DAAM2: variants seen among roughly 807,000 people sequenced by gnomAD.
The protein encoded by DAAM2 is dishevelled associated activator of morphogenesis 2.
In DAAM2, 39 loss-of-function variants were observed where a neutral mutation model predicts 120.7. The ratio of observed to expected loss-of-function variants is 0.32; its 90% CI spans 0.25 to 0.42. The LOEUF (loss-of-function observed/expected upper bound fraction) is 0.42, where lower values mean the gene tolerates loss of function less well. Among genes scored for constraint, DAAM2 ranks in the 10% least tolerant of loss-of-function variants. The pLI, the probability that DAAM2 is intolerant of heterozygous loss-of-function variation, is 1.00. For synonymous variants in DAAM2, 488 were observed against 524.9 expected (o/e 0.93, Z 0.96); for missense variants, 1,283 against 1,401.7 (o/e 0.92, Z 1.35).
intron 1 of DAAM2, among the ~76,000 whole-genome samples, chr6:39,799,646 A>G (rs1394262795): frequency 6.6e-6 from 1 of 152,212 alleles, no homozygotes; most frequent in Non-Finnish European, 1.5e-5. Context: ...AGGAGAGGAA[A>G]TGAAATACTA....
intron 16 of DAAM2, 81 bp downstream of exon 16, chr6:39,887,673 C>T (rs1402518821): frequency 2.2e-6 from 2 of 907,910 alleles, no homozygotes; most frequent in East Asian, 2.7e-5. Flanking sequence ...AGTCTCGGGC[C>T]TCTCCCTCTC....
Position 39,878,385 on chromosome 6 carries a change from C to T in DAAM2, c.1361-19C>T, listed in dbSNP as rs375930970. Reference sequence around the variant, plus strand: ...CATTCTCTCCTTCTGTTTCCTCTCCCGTCCCACCCCCATTCCAGAACACAT... The same window carrying T: ...CATTCTCTCCTTCTGTTTCCTCTCCTGTCCCACCCCCATTCCAGAACACAT... On this transcript the variant is annotated intron_variant, in intron 12 of 24. Transcript: ENST00000274867. This position sits in a 1 kb window ranked among gnomAD's most constrained non-coding sequence, Gnocchi z 5.0. The T allele has an allele frequency of 6.6e-5, 107 of 1,609,682 alleles. No homozygotes were observed. In the African/African-American group the frequency reaches 1.0e-3, roughly 15 times the overall value.
intron 1 of DAAM2, among the ~76,000 whole-genome samples, chr6:39,834,207 T>C (rs1213028227): frequency 6.6e-6 from 1 of 152,166 alleles, no homozygotes; most frequent in Non-Finnish European, 1.5e-5. Context: ...GGGGTAAATA[T>C]AAGAGCATAC....
At chr6:39,807,597 AC>A (rs1762045772) in intron 1 of DAAM2, among the ~76,000 whole-genome samples, 1 of 151,886 alleles carries the variant, frequency 6.6e-6, no homozygotes, top group East Asian at 1.9e-4. Context: ...TTTCACTGCA[AC>A]CTCCGCCTCC....
intron 1 of DAAM2, among the ~76,000 whole-genome samples, chr6:39,813,666 G>A (rs931704013): frequency 1.3e-5 from 2 of 152,092 alleles, no homozygotes; most frequent in Admixed American, 6.5e-5. Context: ...AGCCCATCAC[G>A]GGGCACTGAA....
rs575735902 is a variant in DAAM2, at chr6:39,804,348, A to G, written c.-57+11883A>G. Among the ~76,000 whole-genome samples, 18 of 152,300 alleles carry G rather than the reference A, an allele frequency of 1.2e-4. 1 individual carries two copies. The South Asian group carries it at 2.9e-3, about 25-fold the overall frequency. On this transcript the variant is annotated intron_variant, in intron 1 of 24. Coordinates refer to ENST00000274867, the MANE Select transcript of DAAM2 (RefSeq NM_001201427.2). ...AGTGTCTGGTGGCAGACACAGAGTT[A>G]GCGCTCAGGGGATACTTGTTGACTG...
rs1387881649 is a variant in DAAM2 at position 39,888,760 on chromosome 6, G to A, written c.2142G>A (p.Glu714=). 1.9e-6 allele frequency: 3 copies of A among 1,611,854 alleles called. No homozygotes were observed. The highest frequency in any genetic ancestry group is 2.5e-6 in the Non-Finnish European group (3 of 1,178,828). ...AGGACCTTGCTAAGGACATGCTGGA[G>A]CAGGTGAGGACCCTCGTGGGAAGGA... ...EQEDLAKDML[E]QLLKFIPEKS... Residue 714 remains glutamate, a synonymous_variant, in exon 17 of 25, where the codon GAG becomes GAA. Transcript: ENST00000274867.
chr6:39,838,979 T>G (rs1763215923), intron 1 of DAAM2, among the ~76,000 whole-genome samples: 1 of 152,128 alleles, frequency 6.6e-6, no homozygotes, highest in South Asian at 2.1e-4. Context: ...GTTTTAAAAC[T>G]AGGGTGATCT....
intron 1 of DAAM2, among the ~76,000 whole-genome samples, chr6:39,839,391 A>G (rs571827262): frequency 5.9e-5 from 9 of 152,312 alleles, no homozygotes; most frequent in African/African-American, 2.2e-4. Context: ...TAAATGCACT[A>G]GGTAGACTCA....
In DAAM2 at chr6:39,900,142, C is replaced by T. The variant is rs1400107682; in HGVS notation, c.2745C>T (p.Asp915=). Residue 915 remains aspartate, a synonymous_variant, in exon 23 of 25, where the codon GAC becomes GAT. Coordinates refer to ENST00000274867, the MANE Select transcript of DAAM2 (RefSeq NM_001201427.2). ...ACAAGTTTGTCCCTGTCATGAGCGACTTCATCACGGTGTCCAGCTTCAGCT... is the reference window on the plus strand; with the variant it reads ...ACAAGTTTGTCCCTGTCATGAGCGATTTCATCACGGTGTCCAGCTTCAGCT... ...PSDKFVPVMS[D]FITVSSFSFS... 6.2e-7 allele frequency: 1 copy of T among 1,604,444 alleles called. No individual in the cohort carries two copies. The highest frequency in any genetic ancestry group is 8.5e-7 in the Non-Finnish European group (1 of 1,175,600).
rs1765025271 is a variant in DAAM2 at position 39,879,474 on chromosome 6, T to G, written c.1842T>G (p.Asn614Lys). The part of the protein sequence containing the change: ...PLKSFNWVKL[N>K]EERVPGTVWN... The stretch of plus-strand genomic sequence containing the variant: ...AGTCCTTCAACTGGGTGAAGCTGAA[T>G]GAGGTGAGCATCTGGGAAGGGGCTG... The change falls in exon 14 of 25, where the codon AAT becomes AAG. Residue 614 changes from asparagine to lysine, a missense_variant. By Grantham distance (94) the Asn-to-Lys change is moderately conservative (BLOSUM62 0). Transcript: ENST00000274867. The G allele has an allele frequency of 1.2e-6, 2 of 1,614,028 alleles. No individual in the cohort carries two copies. Among genetic ancestry groups the G allele is most frequent in the Non-Finnish European group, 1.7e-6 (2 of 1,179,898 alleles).
intron 15 of DAAM2, chr6:39,885,817 GC>G (rs1446458141): frequency 6.6e-6 from 1 of 152,222 alleles, no homozygotes; most frequent in Non-Finnish European, 1.5e-5. Flanking sequence ...TCTTCTCTGT[GC>G]CCCATGCGAG....
In DAAM2 at chr6:39,903,750, G is replaced by C. The variant is rs970792608; in HGVS notation, c.*1713G>C. The C allele has an allele frequency of 5.9e-6, 1 of 168,406 alleles. No homozygotes were observed. Among genetic ancestry groups the C allele is most frequent in the Non-Finnish European group, 1.3e-5 (1 of 77,676 alleles). 10.4% of individuals were successfully genotyped at this position (168,406 alleles called of 1,614,324 possible). A position where few individuals can be genotyped will look rare whatever the true frequency, so the allele number is the denominator to read the frequency against. ...TGGGGCTGGGACCGTAGTAGCTGCG[G>C]GGGGGAAGAAACACAGGGTCGGTGA... On this transcript the variant is annotated 3_prime_UTR_variant, in exon 25 of 25. Coordinates refer to ENST00000274867, the MANE Select transcript of DAAM2 (RefSeq NM_001201427.2).
At chr6:39,870,482 G>T in intron 8 of DAAM2, 39 bp downstream of exon 8, 1 of 1,310,252 alleles carries the variant, frequency 7.6e-7, no homozygotes, top group South Asian at 1.3e-5. Context: ...AAACCTGTGG[G>T]GACAGTGCCT....
rs1300639027 is a variant in DAAM2, at chr6:39,891,456, A to G, written c.2252+9A>G. 2 of 1,598,668 alleles carry G rather than the reference A, an allele frequency of 1.3e-6. No homozygotes were observed. The highest frequency in any genetic ancestry group is 1.3e-5 in the African/African-American group (1 of 74,702). ...CTCTATGAAATGAGCAGGTTGGGCCATGGGCATGGTGGGGATTCAAGCAGG... is the reference window on the plus strand; with the variant it reads ...CTCTATGAAATGAGCAGGTTGGGCCGTGGGCATGGTGGGGATTCAAGCAGG... On this transcript the variant is annotated intron_variant, in intron 18 of 24. Transcript: ENST00000274867.
At chr6:39,825,443 GTT>G (rs766528914) in intron 1 of DAAM2, among the ~76,000 whole-genome samples, 2 of 106,574 alleles carry the variant, frequency 1.9e-5, no homozygotes, top group African/African-American at 3.4e-5. Context: ...AGGTCGGGGG[GTT>G]GGTGGGGGGC....
At position 39,879,574 on chromosome 6, in the gene DAAM2, G is replaced by T. The variant is rs923204559; in HGVS notation, c.1845+97G>T. ...CCCTTGTTTACAGATCTCCACTCTG[G>T]GTCCTTTCTTTGGTGGGGGGTAAGG... On this transcript the variant is annotated intron_variant, in intron 14 of 24. Transcript: ENST00000274867. 3.3e-6 allele frequency: 5 copies of T among 1,537,726 alleles called. No homozygotes were observed. In the Admixed American group the frequency reaches 5.0e-5, roughly 15 times the overall value.
At chr6:39,829,669 C>G (rs1002282204) in intron 1 of DAAM2, among the ~76,000 whole-genome samples, 1 of 152,192 alleles carries the variant, frequency 6.6e-6, no homozygotes, top group East Asian at 1.9e-4. Flanking sequence ...TTTGTTTATT[C>G]ATTGGCACAC....
Position 39,903,895 on chromosome 6 carries a change from G to A in DAAM2, c.*1858G>A, listed in dbSNP as rs1766630985. The A allele has an allele frequency of 3.3e-6, 1 of 307,278 alleles. No individual in the cohort carries two copies. Among genetic ancestry groups the A allele is most frequent in the African/African-American group, 2.2e-5 (1 of 46,142 alleles). 19.0% of individuals were successfully genotyped at this position (307,278 alleles called of 1,614,324 possible). The stretch of plus-strand genomic sequence containing the variant: ...GAAGAGGCCATCCTGGAACCCAGGT[G>A]AGGGCAAGATGAAGGCTTCCAGGCA... On this transcript the variant is annotated 3_prime_UTR_variant, in exon 25 of 25. Transcript: ENST00000274867.
Sources: allele counts gnomAD v4.1 joint callset (sites outside exome capture counted in the v4.1 genomes callset), GRCh38; gene constraint gnomAD v4.1.1; non-coding constraint Gnocchi (gnomAD v3.1); transcripts MANE v1.5; gene names NCBI Gene and HGNC (gene_info 2026-07-23, HGNC 2026-07-21).